SYCP1: variants seen among roughly 807,000 people sequenced by gnomAD.
The protein encoded by SYCP1 is synaptonemal complex protein 1, also known as cancer/testis antigen 8.
SYCP1 carries 64 observed loss-of-function variants against 153.1 expected under a neutral mutation model. That is an observed-to-expected ratio of 0.42 (90% confidence interval 0.34 to 0.51). SYCP1 has a LOEUF of 0.51. Ranked by LOEUF, SYCP1 falls within the 20% of genes least tolerant of loss-of-function variation. The pLI, the probability that SYCP1 is intolerant of heterozygous loss-of-function variation, is 0.06. For missense variants in SYCP1, 997 were observed against 1,049.0 expected, an observed-to-expected ratio of 0.95 and a Z score of 0.68; for synonymous variants, 384 against 341.8, an observed-to-expected ratio of 1.12 and a Z score of -1.36.
At chr1:114,861,066 A>G (rs957195962) in intron 8 of SYCP1, among the ~76,000 whole-genome samples, 2 of 152,142 alleles carry the variant, frequency 1.3e-5, no homozygotes, top group Non-Finnish European at 2.9e-5. Context: ...CAAGTAAGGT[A>G]TGATTTTGAG....
At chr1:114,944,218 C>A in intron 23 of SYCP1, 121 bp from the exon 24 acceptor site, 1 of 575,556 alleles carries the variant, frequency 1.7e-6, no homozygotes, top group Non-Finnish European at 3.0e-6. Context: ...GAAAGTGATC[C>A]AACCTAATTT....
intron 14 of SYCP1, among the ~76,000 whole-genome samples, chr1:114,886,637 G>A (rs1666326770): frequency 6.6e-6 from 1 of 152,050 alleles, no homozygotes; most frequent in South Asian, 2.1e-4. Flanking sequence ...TAGCTTCCTA[G>A]AAGTAGCTTC....
At chr1:114,949,540 G>C (rs918151479) in intron 27 of SYCP1, among the ~76,000 whole-genome samples, 6 of 152,114 alleles carry the variant, frequency 3.9e-5, no homozygotes, top group African/African-American at 1.4e-4. Context: ...ATGTGACTTG[G>C]GTCAGCTTAT....
intron 30 of SYCP1, among the ~76,000 whole-genome samples, chr1:114,989,511 A>G (rs1465685258): frequency 6.6e-6 from 1 of 152,016 alleles, no homozygotes; most frequent in African/African-American, 2.4e-5. Flanking sequence ...GTCCTTCCTT[A>G]TAGATCATTA....
At chr1:114,985,563 A>T (rs2101964933) in intron 30 of SYCP1, among the ~76,000 whole-genome samples, 1 of 152,052 alleles carries the variant, frequency 6.6e-6, no homozygotes, top group Non-Finnish European at 1.5e-5. Flanking sequence ...AGTTAAATTC[A>T]TTTGTTTTAT....
intron 27 of SYCP1, among the ~76,000 whole-genome samples, chr1:114,970,541 T>C (rs907125358): frequency 2.6e-5 from 4 of 151,930 alleles, no homozygotes; most frequent in African/African-American, 9.7e-5. Flanking sequence ...GGATAGACTA[T>C]GTCAGAGGAA....
chr1:114,863,409 TG>T (rs1664508212), intron 8 of SYCP1, among the ~76,000 whole-genome samples: 1 of 152,016 alleles, frequency 6.6e-6, no homozygotes, highest in Non-Finnish European at 1.5e-5. Context: ...AAAAATTAGC[TG>T]GGCATGATGG....
intron 27 of SYCP1, among the ~76,000 whole-genome samples, chr1:114,972,851 G>A (rs1672581948): frequency 6.6e-6 from 1 of 152,102 alleles, no homozygotes; most frequent in South Asian, 2.1e-4. Context: ...ATGTGCTTAG[G>A]AGAAGAATGT....
chr1:114,898,943 A>G (rs184208319), intron 16 of SYCP1, among the ~76,000 whole-genome samples: 20 of 152,282 alleles, frequency 1.3e-4, no homozygotes, highest in Non-Finnish European at 5.9e-5. Flanking sequence ...CCTGTTAGAA[A>G]GTGACATTCT....
In SYCP1 at chr1:114,981,518, T is replaced by C; in HGVS notation, c.2559+6T>C. 6.3e-7 allele frequency: 1 copy of C among 1,576,014 alleles called. No individual in the cohort carries two copies. Among genetic ancestry groups the C allele is most frequent in the South Asian group, 1.2e-5 (1 of 82,536 alleles). On this transcript the variant is annotated splice_donor_region_variant and intron_variant, in intron 29 of 31. Transcript: ENST00000369522. ...TATCTACACCATTGCCAAAGGTTTG[T>C]GTCTAAATTTTCCATGTTAGTAGTA...
At chr1:114,936,245 A>T (rs1296453881) in intron 23 of SYCP1, among the ~76,000 whole-genome samples, 3 of 152,206 alleles carry the variant, frequency 2.0e-5, no homozygotes, top group African/African-American at 7.2e-5. Context: ...AGGCTGATTC[A>T]ACATACGCAA....
chr1:114,933,931 C>A (rs1669806409), intron 23 of SYCP1, among the ~76,000 whole-genome samples: 1 of 151,976 alleles, frequency 6.6e-6, no homozygotes, highest in African/African-American at 2.4e-5. Context: ...AAATCTACGT[C>A]TGATTGGTGT....
At chr1:114,911,451 G>A in intron 17 of SYCP1, 28 bp from the exon 18 acceptor site, 1 of 1,493,472 alleles carries the variant, frequency 6.7e-7, no homozygotes, top group South Asian at 1.4e-5. Flanking sequence ...AAAAACACTT[G>A]CCATAGTTAT....
chr1:114,988,285 AC>A (rs1673674301), intron 30 of SYCP1, among the ~76,000 whole-genome samples: 1 of 151,786 alleles, frequency 6.6e-6, no homozygotes, highest in Non-Finnish European at 1.5e-5. Flanking sequence ...AATGCTAAAA[AC>A]TTCCCAAATT....
At chr1:114,984,689 T>A (rs1218984089) in intron 29 of SYCP1, 36 bp from the exon 30 acceptor site, 1 of 1,298,764 alleles carries the variant, frequency 7.7e-7, no homozygotes, top group South Asian at 2.9e-5. Context: ...ATATTTTATT[T>A]GATATGATAA....
intron 29 of SYCP1, among the ~76,000 whole-genome samples, chr1:114,984,190 C>T (rs1446585374): frequency 6.6e-6 from 1 of 152,066 alleles, no homozygotes; most frequent in Non-Finnish European, 1.5e-5. Context: ...CAGGCATAAG[C>T]CACTGTACTT....
chr1:114,857,454 C>A lies in SYCP1; in HGVS notation c.248C>A (p.Ser83Tyr). Residue 83 changes from serine (S) to tyrosine (Y), a missense_variant, in exon 5 of 32, where the codon TCT (serine) becomes TAT (tyrosine). Transcript: ENST00000369522. ...CATCTATCTTTTTAGGTTGGTAATT[C>A]TGACTGTCACTATCAGGAAGGACTA... The part of the protein sequence containing the change: ...FLPVLEQVGN[S>Y]DCHYQEGLKD... 1 of 1,598,620 alleles carries A rather than the reference C, an allele frequency of 6.3e-7. No homozygotes were observed. Among genetic ancestry groups the A allele is most frequent in the East Asian group, 2.2e-5 (1 of 44,584 alleles).
chr1:114,871,773 A>G (rs1025854003), intron 8 of SYCP1, among the ~76,000 whole-genome samples: 2 of 151,768 alleles, frequency 1.3e-5, no homozygotes, highest in East Asian at 3.9e-4. Flanking sequence ...TTTAGTAGAG[A>G]TGGATTTTCG....
At chr1:114,912,187 G>A (rs896447561) in intron 18 of SYCP1, among the ~76,000 whole-genome samples, 6 of 151,700 alleles carry the variant, frequency 4.0e-5, no homozygotes, top group Admixed American at 6.6e-5. Flanking sequence ...TCTATTTCTG[G>A]TACCTTTTCA....
Sources: allele counts gnomAD v4.1 joint callset (sites outside exome capture counted in the v4.1 genomes callset), GRCh38; gene constraint gnomAD v4.1.1; transcripts MANE v1.5; gene names NCBI Gene and HGNC (gene_info 2026-07-23, HGNC 2026-07-21).